Variants in WDR41 observed in about 807,000 individuals in gnomAD.
The protein encoded by WDR41 is WD repeat domain 41.
WDR41 carries 63 observed loss-of-function variants against 69.3 expected under a neutral mutation model. The ratio of observed to expected loss-of-function variants is 0.91; its 90% CI spans 0.74 to 1.12. The LOEUF (loss-of-function observed/expected upper bound fraction) is 1.12. WDR41 is among the 50% of genes most tolerant of loss of function. The pLI, the probability that WDR41 is intolerant of heterozygous loss-of-function variation, is 0.00. For synonymous variants in WDR41, 185 were observed against 192.1 expected, an observed-to-expected ratio of 0.96 and a Z score of 0.31; for missense variants, 543 against 534.5, an observed-to-expected ratio of 1.02 and a Z score of -0.16.
intron 1 of WDR41, among the ~76,000 whole-genome samples, chr5:77,603,328 C>A (rs1744358750): frequency 6.6e-6 from 1 of 152,154 alleles, no homozygotes; most frequent in Non-Finnish European, 1.5e-5. Flanking sequence ...TGATGTTGAG[C>A]ATTTTTTCAT....
rs1798895670 is a variant in WDR41 at position 77,435,294 on chromosome 5, C to T, written c.1227+967G>A. 2.6e-5 allele frequency among the ~76,000 whole-genome samples: 4 copies of T among 152,346 alleles called. 1 individual carries two copies. The South Asian group carries it at 8.3e-4, about 32-fold the overall frequency. On this transcript the variant is annotated intron_variant, in intron 12 of 12. Coordinates refer to ENST00000296679, the MANE Select transcript of WDR41 (RefSeq NM_018268.4). ...GCTCAAGTGTCAAGTCCTATATCCT[C>T]TAACCATTTACAAGATTCAGCAAGA... is the stretch of plus-strand genomic sequence containing the variant.
chr5:77,546,443 A>T (rs1743200837), intron 1 of WDR41, among the ~76,000 whole-genome samples: 1 of 152,174 alleles, frequency 6.6e-6, no homozygotes, highest in Non-Finnish European at 1.5e-5. Context: ...GAGATATTAC[A>T]ACTGACACCA....
intron 2 of WDR41, among the ~76,000 whole-genome samples, chr5:77,480,819 T>G (rs1402184664): frequency 1.0e-5 from 1 of 99,320 alleles, no homozygotes; most frequent in East Asian, 2.8e-4. Flanking sequence ...AAACTTAAAG[T>G]ATAATTAAAA....
At chr5:77,584,665 G>C (rs1029293955) in intron 1 of WDR41, among the ~76,000 whole-genome samples, 1 of 152,112 alleles carries the variant, frequency 6.6e-6, no homozygotes, top group Non-Finnish European at 1.5e-5. Flanking sequence ...TAATTAGCAA[G>C]CCAAATACTT....
At chr5:77,510,928 C>T (rs1026394014) in intron 1 of WDR41, among the ~76,000 whole-genome samples, 1 of 151,830 alleles carries the variant, frequency 6.6e-6, no homozygotes, top group East Asian at 1.9e-4. Flanking sequence ...CATACCACCA[C>T]ACTCAGCTAT....
chr5:77,438,406 C>A, intron 9 of WDR41, 45 bp from the exon 10 acceptor site: 1 of 1,606,996 alleles, frequency 6.2e-7, no homozygotes, highest in South Asian at 1.1e-5. Context: ...AGCACTCACC[C>A]TTCCTAGTGT....
chr5:77,440,248 T>C (rs1561727944), intron 9 of WDR41, among the ~76,000 whole-genome samples: 1 of 152,228 alleles, frequency 6.6e-6, no homozygotes, highest in Non-Finnish European at 1.5e-5. Flanking sequence ...TAAAAACATT[T>C]TCTGAGCCCC....
chr5:77,616,255 T>C (rs1489530275), intron 1 of WDR41, among the ~76,000 whole-genome samples: 2 of 152,138 alleles, frequency 1.3e-5, no homozygotes, highest in African/African-American at 4.8e-5. Flanking sequence ...TCCATCAGCA[T>C]TCTCAGTAAC....
intron 1 of WDR41, among the ~76,000 whole-genome samples, chr5:77,607,154 T>A (rs1744439644): frequency 6.6e-6 from 1 of 152,134 alleles, no homozygotes; most frequent in Non-Finnish European, 1.5e-5. Context: ...ATCAAACTAT[T>A]ATTAGATATT....
chr5:77,593,767 A>G (rs1744172195), intron 1 of WDR41, among the ~76,000 whole-genome samples: 2 of 152,054 alleles, frequency 1.3e-5, no homozygotes, highest in Admixed American at 6.6e-5. Flanking sequence ...TAGAATACAG[A>G]TCTGATTTTC....
chr5:77,496,007 A>G (rs1801927495), upstream of WDR41, among the ~76,000 whole-genome samples: 1 of 152,106 alleles, frequency 6.6e-6, no homozygotes, highest in African/African-American at 2.4e-5. Context: ...AATAAAACAA[A>G]GGAAGATAAC....
chr5:77,504,086 G>A (rs1802066714), intron 1 of WDR41, among the ~76,000 whole-genome samples: 1 of 151,900 alleles, frequency 6.6e-6, no homozygotes, highest in African/African-American at 2.4e-5. Flanking sequence ...GTGAATCCAG[G>A]AGCTGGCTTT....
intron 1 of WDR41, among the ~76,000 whole-genome samples, chr5:77,608,046 T>G (rs559407150): frequency 6.6e-6 from 1 of 152,298 alleles, no homozygotes; most frequent in African/African-American, 2.4e-5. Flanking sequence ...TCTTGCAAAA[T>G]TGAAACTCAC....
chr5:77,559,247 G>A (rs1011068440), intron 1 of WDR41, among the ~76,000 whole-genome samples: 11 of 152,148 alleles, frequency 7.2e-5, no homozygotes, highest in Non-Finnish European at 4.4e-5. Flanking sequence ...ATCACTAAAT[G>A]TCGAGTTGGG....
At position 77,438,269 on chromosome 5, in the gene WDR41, A is replaced by G. The variant is rs922207192; in HGVS notation, c.975T>C (p.Asn325=). 2 of 1,614,064 alleles carry G rather than the reference A, an allele frequency of 1.2e-6. No individual in the cohort carries two copies. The highest frequency in any genetic ancestry group is 1.3e-5 in the African/African-American group (1 of 75,054). Residue 325 remains asparagine, a synonymous_variant, in exon 10 of 13, where the codon AAT becomes AAC. Transcript: ENST00000296679. ...IACQKTAHDS[N]VLHVARLPNR... ...TTGGAAGTCTGGCAACGTGCAGGAC[A>G]TTGGAGTCATGTGCAGTTTTCTGGC...
chr5:77,458,554 T>C (rs1799922571), intron 5 of WDR41, among the ~76,000 whole-genome samples: 1 of 152,148 alleles, frequency 6.6e-6, no homozygotes, highest in Non-Finnish European at 1.5e-5. Flanking sequence ...GTAGCAGAGC[T>C]TCTGTCATAT....
Position 77,433,008 on chromosome 5 carries a change from C to A in WDR41, c.*127G>T. On this transcript the variant is annotated 3_prime_UTR_variant, in exon 13 of 13. Transcript: ENST00000296679. The stretch of plus-strand genomic sequence containing the variant: ...TTGGTAGGTCCACAAAAAATTTAAA[C>A]ATGTAGAATTTTATGGACTGACAAA... 9.1e-7 allele frequency: 1 copy of A among 1,100,432 alleles called. No individual in the cohort carries two copies. The highest frequency in any genetic ancestry group is 1.9e-5 in the South Asian group (1 of 53,316). 68.2% of individuals were successfully genotyped at this position (1,100,432 alleles called of 1,614,324 possible).
intron 2 of WDR41, among the ~76,000 whole-genome samples, chr5:77,467,018 T>C (rs1416607030): frequency 6.6e-6 from 1 of 151,892 alleles, no homozygotes; most frequent in Non-Finnish European, 1.5e-5. Flanking sequence ...TCAGTTTATC[T>C]TAAACTAAAT....
rs763627760 is a variant in WDR41, at chr5:77,586,721, C to CTT, written c.42+33756_42+33757dup. Among the ~76,000 whole-genome samples the CTT allele has an allele frequency of 8.0e-4, 104 of 130,102 alleles. 1 individual carries two copies. The highest frequency in any genetic ancestry group is 1.7e-3 in the African/African-American group (59 of 34,340). The allele number at this position is 130,102 out of a possible 152,430, so 85.4% of individuals were successfully genotyped here. ...TTTTTTTTTTTTACTATTATCTAAA[C>CTT]TTTTTTTTTTTTTTTTGAGACAGAG... On this transcript the variant is annotated intron_variant, in intron 1 of 5. Coordinates refer to the WDR41 transcript ENST00000509971.
Sources: gnomAD v4.1 joint callset for allele counts (sites outside exome capture counted in the v4.1 genomes callset) on GRCh38, gnomAD v4.1.1 for gene constraint, MANE v1.5 for transcripts, NCBI Gene and HGNC (gene_info 2026-07-23, HGNC 2026-07-21) for gene names.